Variants in DPP10 observed in about 807,000 individuals in gnomAD.
The protein encoded by DPP10 is dipeptidyl peptidase like 10.
A neutral mutation model predicts 120.9 loss-of-function variants in DPP10; 33 were observed. The ratio of observed to expected loss-of-function variants is 0.27; its 90% confidence interval spans 0.21 to 0.37. The LOEUF (loss-of-function observed/expected upper bound fraction) is 0.37, where lower values mean the gene tolerates loss of function less well. Among genes scored for constraint, DPP10 ranks in the 10% least tolerant of loss-of-function variants. The probability of loss-of-function intolerance (pLI) is 1.00; values close to 1 mark genes in which losing one functional copy is unlikely to be tolerated. For synonymous variants in DPP10, 337 were observed against 326.1 expected (o/e 1.03, Z -0.36); for missense variants, 816 against 942.8 (o/e 0.87, Z 1.76).
intron 5 of DPP10, among the ~76,000 whole-genome samples, chr2:115,648,286 C>T (rs758614065): frequency 1.1e-4 from 17 of 151,904 alleles, no homozygotes; most frequent in South Asian, 2.1e-4. Flanking sequence ...GGCATTGGTG[C>T]GATGTTGGTC....
chr2:115,293,766 A>G (rs1280399912), intron 1 of DPP10, among the ~76,000 whole-genome samples: 6 of 152,042 alleles, frequency 3.9e-5, no homozygotes, highest in Non-Finnish European at 8.8e-5. Context: ...AAGTTATGTT[A>G]GAGTCATAAA....
At chr2:115,332,637 T>A (rs1159802904) in intron 2 of DPP10, among the ~76,000 whole-genome samples, 9 of 152,190 alleles carry the variant, frequency 5.9e-5, no homozygotes. Context: ...TTTGTTCTCA[T>A]TGGTTTCAAA....
intron 1 of DPP10, among the ~76,000 whole-genome samples, chr2:114,752,981 ATGGGGACC>A (rs1305125600): frequency 6.6e-6 from 1 of 152,182 alleles, no homozygotes; most frequent in African/African-American, 2.4e-5. Flanking sequence ...GCATCCCTTG[ATGGGGACC>A]TGCCCATGGA....
intron 1 of DPP10, among the ~76,000 whole-genome samples, chr2:115,249,564 T>A (rs2058670757): frequency 6.6e-6 from 1 of 152,150 alleles, no homozygotes; most frequent in Non-Finnish European, 1.5e-5. Context: ...GGGTTTTATC[T>A]GAAATAATTT....
intron 1 of DPP10, among the ~76,000 whole-genome samples, chr2:115,271,438 G>C (rs2059694417): frequency 6.6e-6 from 1 of 152,156 alleles, no homozygotes; most frequent in South Asian, 2.1e-4. Flanking sequence ...GACTTCTAGA[G>C]TCTTTGCTCA....
At chr2:115,342,498 C>G (rs930383322) in intron 2 of DPP10, among the ~76,000 whole-genome samples, 1 of 152,044 alleles carries the variant, frequency 6.6e-6, no homozygotes, top group Non-Finnish European at 1.5e-5. Context: ...ACAGGCATGC[C>G]CCACTGCGCC....
At chr2:114,466,595 T>A (rs1050176004) in intron 1 of DPP10, among the ~76,000 whole-genome samples, 1 of 152,170 alleles carries the variant, frequency 6.6e-6, no homozygotes, top group African/African-American at 2.4e-5. Context: ...AAGAAAATAA[T>A]AGTACCTAAC....
intron 3 of DPP10, among the ~76,000 whole-genome samples, chr2:115,494,440 G>A (rs918910357): frequency 1.3e-5 from 2 of 152,070 alleles, no homozygotes; most frequent in Admixed American, 1.3e-4. Context: ...ATTTCTAATG[G>A]CCTCAGTTTC....
At chr2:114,908,884 A>G (rs1694164381) in intron 1 of DPP10, among the ~76,000 whole-genome samples, 1 of 151,810 alleles carries the variant, frequency 6.6e-6, no homozygotes, top group Non-Finnish European at 1.5e-5. Context: ...TGTTGGCATT[A>G]GTCAATTAAT....
At chr2:115,735,684 A>AT (rs70941095) in intron 8 of DPP10, among the ~76,000 whole-genome samples, 26,587 of 62,546 alleles carry the variant, frequency 0.43, 6,986 homozygotes, top group Non-Finnish European at 0.52. Flanking sequence ...CGCCCAGCTA[A>AT]TTTTTTTTTT....
intron 1 of DPP10, among the ~76,000 whole-genome samples, chr2:114,449,425 C>G (rs1678125766): frequency 6.6e-6 from 1 of 151,494 alleles, no homozygotes; most frequent in South Asian, 2.1e-4. Flanking sequence ...TACCTCCAAA[C>G]AGGCTTATTT....
At chr2:114,678,165 A>G (rs1017872910) in intron 1 of DPP10, among the ~76,000 whole-genome samples, 9 of 152,110 alleles carry the variant, frequency 5.9e-5, no homozygotes, top group Admixed American at 2.0e-4. Flanking sequence ...TATTCCAAGT[A>G]GTAGCTCTGA....
chr2:114,636,396 C>A (rs1343950926), intron 1 of DPP10, among the ~76,000 whole-genome samples: 2 of 151,918 alleles, frequency 1.3e-5, no homozygotes, highest in Non-Finnish European at 2.9e-5. Context: ...TTGAAAAATA[C>A]CTTGATTGCT....
intron 1 of DPP10, among the ~76,000 whole-genome samples, chr2:114,827,965 TAC>T (rs1220731415): frequency 2.0e-5 from 3 of 152,228 alleles, no homozygotes; most frequent in Non-Finnish European, 4.4e-5. Flanking sequence ...TTATTCAGAG[TAC>T]ACTTACAGTG....
chr2:114,896,200 T>A (rs1007312461), intron 1 of DPP10, among the ~76,000 whole-genome samples: 12 of 152,174 alleles, frequency 7.9e-5, no homozygotes, highest in Non-Finnish European at 1.6e-4. Context: ...TGGCTTAGGA[T>A]TGACTTGGCG....
intron 3 of DPP10, among the ~76,000 whole-genome samples, chr2:115,369,440 G>T (rs1356724766): frequency 1.3e-5 from 2 of 151,980 alleles, no homozygotes; most frequent in African/African-American, 4.8e-5. Context: ...TTCCTTTGTA[G>T]TTATGATTAC....
rs1574388893 is a variant in DPP10 at position 114,873,220 on chromosome 2, T to C, written c.60+430382T>C. Among the ~76,000 whole-genome samples the C allele has an allele frequency of 3.3e-5, 5 of 152,258 alleles. 1 individual carries two copies. In the Middle Eastern group the frequency reaches 0.017, roughly 518 times the overall value. The stretch of plus-strand genomic sequence containing the variant: ...GGTAATAATATTTGTTGTTAACTTT[T>C]AGGAGAGGCTGCAGGTCAAAAGGTG... On this transcript the variant is annotated intron_variant, in intron 1 of 25. Transcript: ENST00000410059.
intron 1 of DPP10, among the ~76,000 whole-genome samples, chr2:114,789,095 C>T (rs2106228925): frequency 6.6e-6 from 1 of 152,244 alleles, no homozygotes; most frequent in East Asian, 1.9e-4. Context: ...TGTCTAAATG[C>T]CCATCAGAGA....
intron 1 of DPP10, among the ~76,000 whole-genome samples, chr2:114,785,390 C>G (rs1378345308): frequency 6.6e-6 from 1 of 151,986 alleles, no homozygotes; most frequent in Non-Finnish European, 1.5e-5. Flanking sequence ...TGCCTGTGAC[C>G]AATTCTGCTG....
Sources: allele counts gnomAD v4.1 joint callset (sites outside exome capture counted in the v4.1 genomes callset), GRCh38; gene constraint gnomAD v4.1.1; transcripts MANE v1.5; gene names NCBI Gene and HGNC (gene_info 2026-07-23, HGNC 2026-07-21).